Variants in PITPNC1 observed in about 807,000 individuals in gnomAD.
PITPNC1 encodes phosphatidylinositol transfer protein cytoplasmic 1.
Under a neutral mutation model 44.7 loss-of-function variants are expected in PITPNC1, and 18 were observed. That is an observed-to-expected ratio of 0.40 (90% CI 0.28 to 0.60). The LOEUF is 0.60. Among genes scored for constraint, PITPNC1 ranks in the 20% least tolerant of loss-of-function variants. The pLI, the probability that PITPNC1 is intolerant of heterozygous loss-of-function variation, is 0.39. For missense variants in PITPNC1, 290 were observed against 418.4 expected, an observed-to-expected ratio of 0.69 and a Z score of 2.68; for synonymous variants, 141 against 149.6, an observed-to-expected ratio of 0.94 and a Z score of 0.42.
intron 5 of PITPNC1, among the ~76,000 whole-genome samples, chr17:67,595,542 A>G (rs780952678): frequency 3.3e-5 from 5 of 151,982 alleles, no homozygotes; most frequent in Non-Finnish European, 5.9e-5. Flanking sequence ...CATGATTTCA[A>G]AGCAATTTCT....
chr17:67,619,379 C>G (rs1598894415), intron 5 of PITPNC1, among the ~76,000 whole-genome samples: 2 of 152,258 alleles, frequency 1.3e-5, no homozygotes, highest in African/African-American at 4.8e-5. Flanking sequence ...AGGCAAGCCT[C>G]CCTTCCCGAC....
intron 1 of PITPNC1, among the ~76,000 whole-genome samples, chr17:67,446,931 AAT>A (rs2039104292): frequency 6.6e-6 from 1 of 151,612 alleles, no homozygotes; most frequent in African/African-American, 2.4e-5. Context: ...CTCTACTAAA[AAT>A]ACAAAAATTA....
chr17:67,449,013 C>T lies in PITPNC1; in HGVS notation c.48+70811C>T, dbSNP rs113236143. ...AACTCCTGACCTCAGGCAATCCTCC[C>T]GCCTCGGCCTCCCAAAATGCTGGGA... On this transcript the variant is annotated intron_variant, in intron 1 of 8. Coordinates refer to ENST00000581322, the MANE Select transcript of PITPNC1 (RefSeq NM_012417.4). Among the ~76,000 whole-genome samples the T allele has an allele frequency of 8.0e-4, 122 of 152,302 alleles. 2 individuals carry two copies. Among genetic ancestry groups the T allele is most frequent in the African/African-American group, 2.6e-3 (108 of 41,570 alleles).
chr17:67,582,899 G>A (rs2041254651), intron 5 of PITPNC1, among the ~76,000 whole-genome samples: 2 of 152,228 alleles, frequency 1.3e-5, no homozygotes, highest in Admixed American at 1.3e-4. Flanking sequence ...CCCATGTGGT[G>A]ACGGCTGCCA....
intron 2 of PITPNC1, among the ~76,000 whole-genome samples, chr17:67,539,933 T>C (rs893810088): frequency 4.6e-5 from 7 of 152,138 alleles, no homozygotes; most frequent in Non-Finnish European, 1.0e-4. Flanking sequence ...TTACTACATT[T>C]ATATATATTG....
intron 1 of PITPNC1, among the ~76,000 whole-genome samples, chr17:67,492,890 A>G (rs2039882859): frequency 6.6e-6 from 1 of 152,014 alleles, no homozygotes; most frequent in Admixed American, 6.6e-5. Context: ...ACCACGATTT[A>G]TTTACTCTTC....
intron 6 of PITPNC1, among the ~76,000 whole-genome samples, chr17:67,647,464 GTTTTTTTTTTTT>G (rs60407940): frequency 0.13 from 9,731 of 72,520 alleles, 564 homozygotes; most frequent in African/African-American, 0.27. Flanking sequence ...CTAATTTTGG[GTTTTTTTTTTTT>G]TTTTTTTTTT....
intron 5 of PITPNC1, among the ~76,000 whole-genome samples, chr17:67,628,818 C>T (rs900977497): frequency 6.6e-6 from 1 of 152,208 alleles, no homozygotes; most frequent in Non-Finnish European, 1.5e-5. Flanking sequence ...ACTATGCACT[C>T]CAGGCTTGCA....
Position 67,610,518 on chromosome 17 carries a change from C to T in PITPNC1, c.367-21625C>T, listed in dbSNP as rs568081122. On this transcript the variant is annotated intron_variant, in intron 5 of 8. Transcript: ENST00000581322. ...ATTCTTTTCTAAACTTTGGGCCAGGCGTGGTGCCGGCACACATCAGCATTT... is the reference window on the plus strand; with the variant it reads ...ATTCTTTTCTAAACTTTGGGCCAGGTGTGGTGCCGGCACACATCAGCATTT... 4.0e-4 allele frequency among the ~76,000 whole-genome samples: 61 copies of T among 152,244 alleles called. 1 individual carries two copies. The highest frequency in any genetic ancestry group is 8.3e-4 in the South Asian group (4 of 4,812).
intron 1 of PITPNC1, among the ~76,000 whole-genome samples, chr17:67,410,942 G>A (rs2038486787): frequency 6.6e-6 from 1 of 151,886 alleles, no homozygotes. Flanking sequence ...AATTAGCCGG[G>A]CGTGGTGTTG....
chr17:67,429,835 A>G (rs1319072222), intron 1 of PITPNC1, among the ~76,000 whole-genome samples: 1 of 152,222 alleles, frequency 6.6e-6, no homozygotes, highest in Non-Finnish European at 1.5e-5. Flanking sequence ...TTCTGAAAGA[A>G]TATTTTAGCA....
intron 1 of PITPNC1, among the ~76,000 whole-genome samples, chr17:67,414,111 ATAG>A (rs1313755266): frequency 2.0e-4 from 30 of 151,640 alleles, no homozygotes; most frequent in African/African-American, 4.8e-4. Flanking sequence ...AAAAAAAAAA[ATAG>A]AGAGAATGGT....
At chr17:67,380,786 C>G (rs1343232613) in intron 1 of PITPNC1, among the ~76,000 whole-genome samples, 1 of 146,824 alleles carries the variant, frequency 6.8e-6, no homozygotes, top group Admixed American at 6.8e-5. Context: ...TTTTTTTTTT[C>G]TTTTTGAGAC....
intron 1 of PITPNC1, among the ~76,000 whole-genome samples, chr17:67,528,454 A>G (rs930238): frequency 0.56 from 85,453 of 152,086 alleles, 24,320 homozygotes; most frequent in East Asian, 0.76. Flanking sequence ...CAATTCTACG[A>G]TCAATTCTCA....
intron 1 of PITPNC1, among the ~76,000 whole-genome samples, chr17:67,493,069 G>C (rs979524874): frequency 2.0e-5 from 3 of 152,200 alleles, no homozygotes; most frequent in Non-Finnish European, 4.4e-5. Flanking sequence ...GCTATTGCCA[G>C]TTTTCCTATT....
At chr17:67,688,463 G>C (rs1225404233) in intron 8 of PITPNC1, among the ~76,000 whole-genome samples, 3 of 151,948 alleles carry the variant, frequency 2.0e-5, no homozygotes, top group Admixed American at 1.3e-4. Flanking sequence ...AATTTTTGGA[G>C]CATGTCTTTG....
At chr17:67,436,924 T>G (rs1240671384) in intron 1 of PITPNC1, among the ~76,000 whole-genome samples, 1 of 137,822 alleles carries the variant, frequency 7.3e-6, no homozygotes, top group Non-Finnish European at 1.6e-5. Context: ...TTTTTTTTTT[T>G]TTTTTTTTTT....
intron 6 of PITPNC1, among the ~76,000 whole-genome samples, chr17:67,663,924 G>C (rs1266295056): frequency 1.3e-5 from 2 of 152,064 alleles, no homozygotes; most frequent in Non-Finnish European, 2.9e-5. Context: ...CGAGCTTCTA[G>C]AATCAAGTCT....
intron 4 of PITPNC1, among the ~76,000 whole-genome samples, chr17:67,558,765 C>G (rs2040871065): frequency 6.6e-6 from 1 of 151,972 alleles, no homozygotes; most frequent in Non-Finnish European, 1.5e-5. Flanking sequence ...TCAATGTTAC[C>G]CAACATTTTA....
Sources: gnomAD v4.1 joint callset for allele counts (sites outside exome capture counted in the v4.1 genomes callset) on GRCh38, gnomAD v4.1.1 for gene constraint, MANE v1.5 for transcripts, NCBI Gene and HGNC (gene_info 2026-07-23, HGNC 2026-07-21) for gene names.